The following NTM variants were observed in gnomAD, a reference collection of about 807,000 sequenced individuals.
The protein encoded by NTM is neurotrimin, also known as IgLON family member 2.
In NTM, 13 loss-of-function variants were observed where a neutral mutation model predicts 42.1. The ratio of observed to expected loss-of-function variants is 0.31; its 90% CI spans 0.20 to 0.49. The LOEUF (loss-of-function observed/expected upper bound fraction) is 0.49, where lower values mean the gene tolerates loss of function less well. Ranked by LOEUF, NTM falls within the 20% of genes least tolerant of loss-of-function variation. The probability of loss-of-function intolerance (pLI) is 0.99; values close to 1 mark genes in which losing one functional copy is unlikely to be tolerated. For missense variants in NTM, 373 were observed against 452.8 expected, an observed-to-expected ratio of 0.82 and a Z score of 1.60; for synonymous variants, 187 against 179.2, an observed-to-expected ratio of 1.04 and a Z score of -0.35.
chr11:131,449,835 G>C (rs1240788929), intron 1 of NTM, among the ~76,000 whole-genome samples: 1 of 152,172 alleles, frequency 6.6e-6, no homozygotes, highest in East Asian at 1.9e-4. Flanking sequence ...CTACGAACAG[G>C]CTCCACTGTC....
At chr11:131,884,443 C>T (rs947466576) in intron 1 of NTM, among the ~76,000 whole-genome samples, 1 of 152,054 alleles carries the variant, frequency 6.6e-6, no homozygotes, top group Non-Finnish European at 1.5e-5. Flanking sequence ...AAAGAAACAG[C>T]AACACTAAAA....
chr11:131,702,822 G>A (rs1034282205), intron 1 of NTM, among the ~76,000 whole-genome samples: 2 of 152,160 alleles, frequency 1.3e-5, no homozygotes, highest in Non-Finnish European at 2.9e-5. Context: ...GAATAGCCCC[G>A]ACTATTTTGA....
At chr11:131,492,305 T>C (rs940948791) in intron 1 of NTM, among the ~76,000 whole-genome samples, 1 of 151,866 alleles carries the variant, frequency 6.6e-6, no homozygotes, top group African/African-American at 2.4e-5. Context: ...TTATTCATCA[T>C]CACCCAGCTA....
At chr11:132,260,582 A>G (rs1371507072) in intron 4 of NTM, among the ~76,000 whole-genome samples, 1 of 152,220 alleles carries the variant, frequency 6.6e-6, no homozygotes, top group African/African-American at 2.4e-5. Flanking sequence ...CTCAGTGTTA[A>G]GCTGAAATTC....
intron 1 of NTM, among the ~76,000 whole-genome samples, chr11:131,817,850 A>C (rs997597083): frequency 6.6e-6 from 1 of 152,234 alleles, no homozygotes; most frequent in Non-Finnish European, 1.5e-5. Flanking sequence ...ACCATGGTTT[A>C]CACTGAAAGA....
intron 1 of NTM, among the ~76,000 whole-genome samples, chr11:131,853,393 C>T (rs150992685): frequency 3.2e-4 from 49 of 152,216 alleles, no homozygotes; most frequent in African/African-American, 1.2e-3. Context: ...TCTCCTTCTT[C>T]CTCCACCCCA....
intron 1 of NTM, among the ~76,000 whole-genome samples, chr11:131,391,659 A>G (rs1380226164): frequency 1.4e-4 from 21 of 149,786 alleles, no homozygotes; most frequent in African/African-American, 2.4e-4. Flanking sequence ...AAAAAAAAAA[A>G]AAAAGAAAAG....
intron 1 of NTM, among the ~76,000 whole-genome samples, chr11:131,487,725 C>T (rs73572304): frequency 0.067 from 10,122 of 152,174 alleles, 1,126 homozygotes; most frequent in African/African-American, 0.23. Context: ...TCTTGCTACC[C>T]CTAGGCTTAA....
intron 2 of NTM, among the ~76,000 whole-genome samples, chr11:132,094,628 G>T (rs1406145420): frequency 6.6e-6 from 1 of 152,208 alleles, no homozygotes; most frequent in Non-Finnish European, 1.5e-5. Flanking sequence ...TGAGGACACT[G>T]GTCCCCAGGT....
At chr11:131,596,981 G>C (rs1025245871) in intron 1 of NTM, among the ~76,000 whole-genome samples, 2 of 152,154 alleles carry the variant, frequency 1.3e-5, no homozygotes, top group African/African-American at 4.8e-5. Context: ...AAAGATGGAG[G>C]CTGGGAGGCT....
At chr11:132,177,984 C>T (rs992476596) in intron 3 of NTM, among the ~76,000 whole-genome samples, 1 of 152,212 alleles carries the variant, frequency 6.6e-6, no homozygotes, top group African/African-American at 2.4e-5. Flanking sequence ...TCCTCACTCA[C>T]ATGACAAAAG....
intron 4 of NTM, among the ~76,000 whole-genome samples, chr11:132,283,220 C>T (rs931641574): frequency 4.6e-5 from 7 of 151,922 alleles, no homozygotes; most frequent in African/African-American, 9.7e-5. Flanking sequence ...CTCTTAACAT[C>T]GTGATCCACC....
At chr11:131,809,205 A>G (rs1183667753) in intron 1 of NTM, among the ~76,000 whole-genome samples, 1 of 152,224 alleles carries the variant, frequency 6.6e-6, no homozygotes. Flanking sequence ...CAGGATTTCT[A>G]CAAAAGTCTT....
chr11:132,100,185 G>A (rs999399478), intron 2 of NTM, among the ~76,000 whole-genome samples: 1 of 152,238 alleles, frequency 6.6e-6, no homozygotes, highest in African/African-American at 2.4e-5. Flanking sequence ...CCAAATGAAA[G>A]CTGTCTGATT....
chr11:131,893,303 A>T (rs1306809732), intron 1 of NTM, among the ~76,000 whole-genome samples: 1 of 152,234 alleles, frequency 6.6e-6, no homozygotes, highest in African/African-American at 2.4e-5. Flanking sequence ...CCACTCATGC[A>T]AATACAGGTA....
At chr11:131,488,278 C>G (rs1055032545) in intron 1 of NTM, among the ~76,000 whole-genome samples, 2 of 152,202 alleles carry the variant, frequency 1.3e-5, no homozygotes, top group Admixed American at 1.3e-4. Flanking sequence ...GCTGGAGTCA[C>G]TCACACAGCT....
intron 1 of NTM, among the ~76,000 whole-genome samples, chr11:131,578,606 A>T (rs987405952): frequency 2.0e-5 from 3 of 152,180 alleles, no homozygotes; most frequent in Non-Finnish European, 4.4e-5. Context: ...TTTTAAGGGC[A>T]TAGGCTCTAG....
chr11:131,671,511 C>T (rs1257545633), intron 1 of NTM: 11 of 983,722 alleles, frequency 1.1e-5, no homozygotes, highest in South Asian at 9.4e-5. Context: ...CAGGGCCTAC[C>T]GGTGGCTGCC....
intron 1 of NTM, among the ~76,000 whole-genome samples, chr11:131,465,350 G>C (rs947962578): frequency 3.9e-5 from 6 of 152,158 alleles, no homozygotes; most frequent in African/African-American, 7.2e-5. Context: ...AGCCCAGACT[G>C]GAAAAGGGAG....
Sources: allele counts gnomAD v4.1 joint callset (sites outside exome capture counted in the v4.1 genomes callset), GRCh38; gene constraint gnomAD v4.1.1; transcripts MANE v1.5; gene names NCBI Gene and HGNC (gene_info 2026-07-23, HGNC 2026-07-21).